The following LRRD1 variants were observed in gnomAD, a reference collection of about 807,000 sequenced individuals.
LRRD1 encodes leucine-rich repeat and death domain-containing protein 1.
LRRD1 carries 49 observed loss-of-function variants against 69.5 expected under a neutral mutation model. The ratio of observed to expected loss-of-function variants is 0.70; its 90% CI spans 0.56 to 0.89. LRRD1 has a LOEUF of 0.89. Ranked by LOEUF, LRRD1 falls within the 40% of genes least tolerant of loss-of-function variation. The pLI, the probability that LRRD1 is intolerant of heterozygous loss-of-function variation, is 0.00. For synonymous variants in LRRD1, 303 were observed against 338.9 expected (o/e 0.89, Z 1.16); for missense variants, 853 against 956.0 (o/e 0.89, Z 1.42).
At chr7:92,169,101 TAG>T (rs1468030621) in intron 1 of LRRD1, among the ~76,000 whole-genome samples, 1 of 152,080 alleles carries the variant, frequency 6.6e-6, no homozygotes, top group Non-Finnish European at 1.5e-5. Context: ...GTATTTTTAG[TAG>T]AGACAGGGTT....
At chr7:92,143,046 C>G (rs377640578), downstream of LRRD1, 2 of 206,436 alleles carry the variant, frequency 9.7e-6, no homozygotes, top group African/African-American at 2.3e-5. Flanking sequence ...CCCGAGTGGT[C>G]TATTTTGACA....
intron 3 of LRRD1, among the ~76,000 whole-genome samples, chr7:92,157,537 CTCCT>C (rs34688200): frequency 2.1e-4 from 32 of 149,322 alleles, no homozygotes; most frequent in African/African-American, 5.2e-4. Context: ...GGCATTGTTT[CTCCT>C]TCCTTCCTTC....
At chr7:92,159,843 A>T (rs1199354479) in intron 2 of LRRD1, among the ~76,000 whole-genome samples, 2 of 151,266 alleles carry the variant, frequency 1.3e-5, no homozygotes, top group Admixed American at 6.6e-5. Flanking sequence ...CTGGTTTCGA[A>T]CTCCTGACAT....
At chr7:92,156,099 T>C (rs1173312382) in intron 3 of LRRD1, among the ~76,000 whole-genome samples, 1 of 152,218 alleles carries the variant, frequency 6.6e-6, no homozygotes, top group Non-Finnish European at 1.5e-5. Flanking sequence ...TCCAATCAAG[T>C]TGACACTCAA....
chr7:92,151,941 C>T (rs563325545), intron 3 of LRRD1, among the ~76,000 whole-genome samples: 2 of 145,686 alleles, frequency 1.4e-5, no homozygotes, highest in African/African-American at 5.1e-5. Context: ...AAGAGCGGAA[C>T]TCCATCTCAA....
At chr7:92,172,434 T>C (rs752758171) in intron 1 of LRRD1, among the ~76,000 whole-genome samples, 1 of 152,208 alleles carries the variant, frequency 6.6e-6, no homozygotes, top group South Asian at 2.1e-4. Flanking sequence ...ATTTTACACT[T>C]AGAAAAATCT....
chr7:92,154,697 G>A (rs1225829014), intron 3 of LRRD1, among the ~76,000 whole-genome samples: 5 of 152,006 alleles, frequency 3.3e-5, no homozygotes, highest in African/African-American at 1.2e-4. Context: ...TTATATTGTG[G>A]TTATTTATTT....
chr7:92,157,007 G>T (rs1057438207), intron 3 of LRRD1, among the ~76,000 whole-genome samples: 2 of 140,352 alleles, frequency 1.4e-5, no homozygotes, highest in Non-Finnish European at 3.1e-5. Flanking sequence ...AATGGAAATT[G>T]TATTTTTTCA....
chr7:92,148,974 C>T (rs1190312565), intron 4 of LRRD1, among the ~76,000 whole-genome samples: 1 of 152,076 alleles, frequency 6.6e-6, no homozygotes, highest in African/African-American at 2.4e-5. Context: ...CTCTTGAACT[C>T]GTGACCTCGT....
chr7:92,152,384 T>C (rs1349976712), intron 3 of LRRD1, among the ~76,000 whole-genome samples: 1 of 152,064 alleles, frequency 6.6e-6, no homozygotes, highest in Non-Finnish European at 1.5e-5. Context: ...AATTTATCCA[T>C]TTAATACATA....
intron 1 of LRRD1, among the ~76,000 whole-genome samples, chr7:92,177,122 T>G (rs1584665452): frequency 6.6e-6 from 1 of 150,802 alleles, no homozygotes; most frequent in East Asian, 1.9e-4. Context: ...TAATATGACA[T>G]TACTTATCAA....
intron 1 of LRRD1, among the ~76,000 whole-genome samples, chr7:92,174,509 A>ATATATTTT (rs1563195877): frequency 7.8e-5 from 1 of 12,872 alleles, no homozygotes; most frequent in African/African-American, 2.2e-4. Flanking sequence ...ATATATATAT[A>ATATATTTT]TTTTTTTTTT....
intron 1 of LRRD1, among the ~76,000 whole-genome samples, chr7:92,176,093 A>T (rs1364322332): frequency 6.6e-6 from 1 of 152,192 alleles, no homozygotes; most frequent in Non-Finnish European, 1.5e-5. Context: ...TAGCCAGATC[A>T]ATTTTAGGAT....
chr7:92,161,671 AT>A lies in LRRD1; in HGVS notation c.1917+1614del, dbSNP rs373620962. Among the ~76,000 whole-genome samples the A allele has an allele frequency of 5.5e-4, 84 of 152,322 alleles. No homozygotes were observed. The South Asian group carries it at 0.017, about 31-fold the overall frequency. On this transcript the variant is annotated intron_variant, in intron 2 of 5. Transcript: ENST00000458448. ...TTTGGTGTAAGATGAGGTATAACTG[AT>A]GATGGAAAAGGAACAAGAATGATTT...
intron 1 of LRRD1, among the ~76,000 whole-genome samples, chr7:92,174,505 A>AT (rs1563195843): frequency 4.7e-4 from 9 of 19,256 alleles, no homozygotes; most frequent in Non-Finnish European, 7.2e-4. Flanking sequence ...ATATATATAT[A>AT]TATATTTTTT....
chr7:92,144,564 T>C (rs1371968705), downstream of LRRD1, among the ~76,000 whole-genome samples: 1 of 146,342 alleles, frequency 6.8e-6, no homozygotes, highest in East Asian at 2.0e-4. Context: ...AAGGCAGAGG[T>C]TGCAGTGAGC....
chr7:92,169,165 C>T (rs982572861), intron 1 of LRRD1, among the ~76,000 whole-genome samples: 6 of 152,012 alleles, frequency 3.9e-5, no homozygotes, highest in Non-Finnish European at 5.9e-5. Context: ...ATGATCTGCC[C>T]GTCTCGGCCT....
chr7:92,166,403 T>C (rs149365388), intron 1 of LRRD1, among the ~76,000 whole-genome samples: 82 of 152,100 alleles, frequency 5.4e-4, no homozygotes, highest in Middle Eastern at 3.4e-3. Context: ...TCCCAGAGAG[T>C]AGAAAAAGAG....
At position 92,163,720 on chromosome 7, in the gene LRRD1, TA is replaced by T. The variant is rs1788839095; in HGVS notation, c.1482del (p.Asn495MetfsTer21). ...CALDSLYYLS[V>X]NGNYISEIPV... The stretch of plus-strand genomic sequence containing the variant: ...GGTATTTCTGAAATATAATTTCCAT[TA>T]ACACTCAAATAATAAAGAGAATCTA... On this transcript the variant is annotated frameshift_variant, in exon 2 of 6. Transcript: ENST00000458448. LOFTEE classifies it high-confidence loss of function. 3 of 1,506,382 alleles carry T rather than the reference TA, an allele frequency of 2.0e-6. No homozygotes were observed. Among genetic ancestry groups the T allele is most frequent in the Non-Finnish European group, 2.7e-6 (3 of 1,129,704 alleles). The allele number at this position is 1,506,382 out of a possible 1,614,324, so 93.3% of individuals were successfully genotyped here. A position where few individuals can be genotyped will look rare whatever the true frequency, so the allele number is the denominator to read the frequency against.
Sources: allele counts gnomAD v4.1 joint callset (sites outside exome capture counted in the v4.1 genomes callset), GRCh38; gene constraint gnomAD v4.1.1; transcripts MANE v1.5; gene names NCBI Gene and HGNC (gene_info 2026-07-23, HGNC 2026-07-21).